The following ADCY1 variants were observed in gnomAD, a reference collection of about 807,000 sequenced individuals.
ADCY1 encodes the protein adenylate cyclase type 1.
A neutral mutation model predicts 105.4 loss-of-function variants in ADCY1; 28 were observed. The ratio of observed to expected loss-of-function variants is 0.27; its 90% confidence interval spans 0.20 to 0.36. ADCY1 has a LOEUF of 0.36. ADCY1 is among the 10% of genes least tolerant of loss of function. ADCY1 has a pLI of 1.00. For synonymous variants in ADCY1, 655 were observed against 623.8 expected, an observed-to-expected ratio of 1.05 and a Z score of -0.75; for missense variants, 977 against 1,434.2, an observed-to-expected ratio of 0.68 and a Z score of 5.15.
Position 45,710,436 on chromosome 7 carries a change from A to C in ADCY1, c.2933-92A>C. 6.5e-7 allele frequency: 1 copy of C among 1,536,686 alleles called. No individual in the cohort carries two copies. Among genetic ancestry groups the C allele is most frequent in the Admixed American group, 1.9e-5 (1 of 52,240 alleles). ...CCCTGAAAGGAGCAGCCTTTTCTCC[A>C]CCAGGAGCAGCATCAGGTGCATTTG... On this transcript the variant is annotated intron_variant, in intron 18 of 19. Transcript: ENST00000297323. This position sits in a 1 kb window ranked among gnomAD's most constrained non-coding sequence, Gnocchi z 4.7.
At position 45,679,785 on chromosome 7, in the gene ADCY1, C is replaced by T. The variant is rs772682173; in HGVS notation, c.1975C>T (p.Arg659Trp). Reference sequence around the variant, plus strand: ...CTGTGTCCTGTACCTGCACATCACCCGGGTCCAGGTATGTGGGTGGCCTGT... The same window carrying T: ...CTGTGTCCTGTACCTGCACATCACCTGGGTCCAGGTATGTGGGTGGCCTGT... Reference protein sequence around the residue: ...VACVLYLHITRVQCFPGCLTI... With the variant: ...VACVLYLHITWVQCFPGCLTI... The change falls in exon 11 of 20, where the codon CGG becomes TGG. Residue 659 changes from arginine (R) to tryptophan (W), a missense_variant. This residue lies in a region of ADCY1 where 275 missense variants were observed against 362.1 expected (regional missense o/e 0.76). Transcript: ENST00000297323. 31 of 1,613,766 alleles carry T rather than the reference C, an allele frequency of 1.9e-5. No homozygotes were observed. The highest frequency in any genetic ancestry group is 1.3e-4 in the South Asian group (12 of 91,070).
At position 45,686,746 on chromosome 7, in the gene ADCY1, CG is replaced by C; in HGVS notation, c.2454+78del. ...GAAGAAGTCTTCAGCAAGCATCTGA[CG>C]GGGGCTGCCACAGACACCCACACGC... is the stretch of plus-strand genomic sequence containing the variant. On this transcript the variant is annotated intron_variant, in intron 14 of 19. Transcript: ENST00000297323. This position sits in a 1 kb window ranked among gnomAD's most constrained non-coding sequence, Gnocchi z 4.3. The C allele has an allele frequency of 6.6e-7, 1 of 1,521,692 alleles. No individual in the cohort carries two copies. 94.3% of individuals were successfully genotyped at this position (1,521,692 alleles called of 1,614,324 possible).
At chr7:45,650,215 A>G (rs551083265) in intron 5 of ADCY1, among the ~76,000 whole-genome samples, 6 of 152,314 alleles carry the variant, frequency 3.9e-5, no homozygotes, top group Non-Finnish European at 5.9e-5. Flanking sequence ...TATATCACAT[A>G]TATCACATAT....
chr7:45,614,797 A>G (rs1290185784), intron 3 of ADCY1, among the ~76,000 whole-genome samples: 1 of 152,236 alleles, frequency 6.6e-6, no homozygotes, highest in African/African-American at 2.4e-5. Context: ...AGTCTTTATT[A>G]TGATAAAAGG....
chr7:45,664,241 A>C, intron 8 of ADCY1: 1 of 1,517,516 alleles, frequency 6.6e-7, no homozygotes, highest in Non-Finnish European at 8.8e-7. Context: ...AATTTGGTCA[A>C]GCAGAGAAGC....
At chr7:45,653,938 C>G (rs535350219) in intron 5 of ADCY1, among the ~76,000 whole-genome samples, 4 of 152,338 alleles carry the variant, frequency 2.6e-5, no homozygotes, top group Non-Finnish European at 5.9e-5. Context: ...TTTCAGGAAC[C>G]TGCTAGATTC....
intron 3 of ADCY1, among the ~76,000 whole-genome samples, chr7:45,619,619 T>G (rs1229836044): frequency 1.3e-5 from 2 of 152,180 alleles, no homozygotes; most frequent in Non-Finnish European, 2.9e-5. Context: ...CTGGAGGACA[T>G]TACTGTAACC....
chr7:45,614,849 A>G (rs1417267804), intron 3 of ADCY1, among the ~76,000 whole-genome samples: 1 of 152,238 alleles, frequency 6.6e-6, no homozygotes, highest in Non-Finnish European at 1.5e-5. Flanking sequence ...ATATATATGT[A>G]TTCAGCATAA....
chr7:45,591,183 C>T lies in ADCY1; in HGVS notation c.640-1576C>T, dbSNP rs1381787667. 6.6e-6 allele frequency among the ~76,000 whole-genome samples: 1 copy of T among 152,140 alleles called. No individual in the cohort carries two copies. Among genetic ancestry groups the T allele is most frequent in the Non-Finnish European group, 1.5e-5 (1 of 68,026 alleles). ...GGTTTGAAGGTGCTCCAAATCTGTC[C>T]TCTCCCCTCCCTGTGGCCCCTGCCC... On this transcript the variant is annotated intron_variant, in intron 1 of 19. Transcript: ENST00000297323. This position sits in a 1 kb window ranked among gnomAD's most constrained non-coding sequence, Gnocchi z 4.1.
chr7:45,657,380 C>G (rs538822577), intron 5 of ADCY1, among the ~76,000 whole-genome samples: 2 of 152,384 alleles, frequency 1.3e-5, no homozygotes, highest in East Asian at 3.9e-4. Flanking sequence ...CCTGATGCCA[C>G]ACTCCACAGT....
At chr7:45,664,360 A>C in intron 8 of ADCY1, 1 of 1,536,046 alleles carries the variant, frequency 6.5e-7, no homozygotes, top group Non-Finnish European at 8.7e-7. Context: ...TGCAACGGGG[A>C]CGACTGTGCA....
intron 4 of ADCY1, among the ~76,000 whole-genome samples, chr7:45,643,912 G>A (rs566876160): frequency 2.0e-5 from 3 of 152,264 alleles, no homozygotes; most frequent in Admixed American, 6.5e-5. Flanking sequence ...GGAGGCTTCC[G>A]GGGACCTGAT....
At chr7:45,623,344 A>G (rs1428311274) in intron 4 of ADCY1, among the ~76,000 whole-genome samples, 1 of 152,228 alleles carries the variant, frequency 6.6e-6, no homozygotes, top group Non-Finnish European at 1.5e-5. Context: ...TTGGCTTGTA[A>G]CGTGCATGTT....
intron 4 of ADCY1, among the ~76,000 whole-genome samples, chr7:45,637,599 C>T (rs1356257105): frequency 5.3e-5 from 8 of 152,066 alleles, no homozygotes; most frequent in African/African-American, 1.9e-4. Flanking sequence ...GTGGCACATA[C>T]CTGTAGTCCT....
chr7:45,685,997 C>T lies in ADCY1; in HGVS notation c.2109C>T (p.Pro703=). ...TGCCTTGGGCCTGGAGCTCCAAGCC[C>T]AACAGTTCCCTGGTGGTCCTTTCGT... ...GCLPWAWSSK[P]NSSLVVLSSG... The change falls in exon 13 of 20, where the codon CCC becomes CCT. Residue 703 remains proline (P), a synonymous_variant. Transcript: ENST00000297323. The T allele has an allele frequency of 1.2e-6, 2 of 1,614,036 alleles. No homozygotes were observed. The highest frequency in any genetic ancestry group is 1.7e-6 in the Non-Finnish European group (2 of 1,179,998).
At chr7:45,599,754 G>C (rs1270207071) in intron 2 of ADCY1, among the ~76,000 whole-genome samples, 1 of 151,944 alleles carries the variant, frequency 6.6e-6, no homozygotes, top group East Asian at 1.9e-4. Flanking sequence ...AGCCTCCCGA[G>C]TAGCTGGAAT....
intron 1 of ADCY1, among the ~76,000 whole-genome samples, chr7:45,585,875 G>A (rs1792708133): frequency 6.6e-6 from 1 of 152,172 alleles, no homozygotes; most frequent in African/African-American, 2.4e-5. Flanking sequence ...CTGTGGGTGG[G>A]TGGGGGTGGA....
intron 2 of ADCY1, among the ~76,000 whole-genome samples, chr7:45,602,360 C>T (rs936113593): frequency 6.2e-4 from 95 of 152,174 alleles, no homozygotes; most frequent in African/African-American, 2.1e-3. Flanking sequence ...CTTCCTCCTC[C>T]GCTGCCTGCA....
intron 3 of ADCY1, among the ~76,000 whole-genome samples, chr7:45,619,746 A>C (rs932840156): frequency 6.6e-6 from 1 of 152,208 alleles, no homozygotes; most frequent in African/African-American, 2.4e-5. Flanking sequence ...AAATGGGGTG[A>C]TGTTGGTAAA....
Sources: gnomAD v4.1 joint callset for allele counts (sites outside exome capture counted in the v4.1 genomes callset) on GRCh38, gnomAD v4.1.1 for gene constraint, gnomAD v4.1.1 regional missense constraint, Gnocchi (gnomAD v3.1) non-coding constraint, MANE v1.5 for transcripts, NCBI Gene and HGNC (gene_info 2026-07-23, HGNC 2026-07-21) for gene names.